TMEM132C: variants seen among roughly 807,000 people sequenced by gnomAD.
TMEM132C encodes the protein protein phosphatase 1, regulatory subunit 152.
In TMEM132C, 29 loss-of-function variants were observed where a neutral mutation model predicts 61.4. That is an observed-to-expected ratio of 0.47 (90% CI 0.35 to 0.64). The LOEUF is 0.64. Among genes scored for constraint, TMEM132C ranks in the 30% least tolerant of loss-of-function variants. The pLI, the probability that TMEM132C is intolerant of heterozygous loss-of-function variation, is 0.00. For missense variants in TMEM132C, 1,408 were observed against 1,476.9 expected, an observed-to-expected ratio of 0.95 and a Z score of 0.76; for synonymous variants, 656 against 633.1, an observed-to-expected ratio of 1.04 and a Z score of -0.54.
chr12:128,441,150 G>A (rs999865836), intron 2 of TMEM132C, among the ~76,000 whole-genome samples: 4 of 152,222 alleles, frequency 2.6e-5, no homozygotes, highest in Admixed American at 1.3e-4. Context: ...AGAAAGTCAG[G>A]CATTCAGCTC....
At chr12:128,616,061 T>G in intron 3 of TMEM132C, 91 bp from the exon 4 acceptor site, 1 of 1,427,708 alleles carries the variant, frequency 7.0e-7, no homozygotes, top group Non-Finnish European at 9.3e-7. Flanking sequence ...GAGATGTGTT[T>G]CTTTGTCTTT....
In TMEM132C at chr12:128,655,264, G is replaced by A. The variant is rs114735918; in HGVS notation, c.1306-14153G>A. Reference sequence around the variant, plus strand: ...GAGGAGTTGTTATACCGCACTGTGCGGCACAGCCGGGGTCTGCACTTGGCC... The same window carrying A: ...GAGGAGTTGTTATACCGCACTGTGCAGCACAGCCGGGGTCTGCACTTGGCC... On this transcript the variant is annotated intron_variant, in intron 4 of 8. Coordinates refer to ENST00000435159, the MANE Select transcript of TMEM132C (RefSeq NM_001136103.3). 7.1e-3 allele frequency among the ~76,000 whole-genome samples: 1,086 copies of A among 152,242 alleles called. 15 individuals carry two copies. Among genetic ancestry groups the A allele is most frequent in the African/African-American group, 0.025 (1,037 of 41,544 alleles).
At chr12:128,703,609 A>G (rs1954817633) in intron 8 of TMEM132C, among the ~76,000 whole-genome samples, 1 of 152,232 alleles carries the variant, frequency 6.6e-6, no homozygotes, top group South Asian at 2.1e-4. Context: ...TTCTAAGCAC[A>G]AAGTGGAGAG....
At chr12:128,491,191 TATC>T (rs1282338806) in intron 2 of TMEM132C, among the ~76,000 whole-genome samples, 15 of 152,164 alleles carry the variant, frequency 9.9e-5, no homozygotes, top group Admixed American at 9.8e-4. Flanking sequence ...GGACATTTGT[TATC>T]ATTGATAAGG....
At chr12:128,345,508 TAGATA>T (rs1873131124) in intron 1 of TMEM132C, among the ~76,000 whole-genome samples, 2 of 152,226 alleles carry the variant, frequency 1.3e-5, no homozygotes, top group Non-Finnish European at 1.5e-5. Flanking sequence ...ATTGAACTAT[TAGATA>T]ATTTACACTC....
In TMEM132C at chr12:128,410,564, C is replaced by T. The variant is rs566456831; in HGVS notation, c.86-4168C>T. Among the ~76,000 whole-genome samples the T allele has an allele frequency of 1.4e-4, 21 of 152,076 alleles. No individual in the cohort carries two copies. In the South Asian group the frequency reaches 2.3e-3, roughly 17 times the overall value. ...ACTACAGGTGCACCCCACCACACCC[C>T]GCTGATTTTTTTTGTATTTTTAGTA... On this transcript the variant is annotated intron_variant, in intron 1 of 8. Coordinates refer to ENST00000435159, the MANE Select transcript of TMEM132C (RefSeq NM_001136103.3).
At chr12:128,668,748 C>T (rs1470052817) in intron 4 of TMEM132C, among the ~76,000 whole-genome samples, 3 of 152,142 alleles carry the variant, frequency 2.0e-5, no homozygotes. Flanking sequence ...CAGGGAAAAT[C>T]TGTTCCTTGC....
chr12:128,514,326 G>A (rs886591865), intron 2 of TMEM132C, among the ~76,000 whole-genome samples: 4 of 152,164 alleles, frequency 2.6e-5, no homozygotes, highest in Non-Finnish European at 4.4e-5. Context: ...GCACCTTCCC[G>A]ATACGGTCTC....
chr12:128,369,408 T>C (rs751507624), intron 1 of TMEM132C, among the ~76,000 whole-genome samples: 1 of 152,220 alleles, frequency 6.6e-6, no homozygotes, highest in Admixed American at 6.5e-5. Flanking sequence ...TATGAAAACA[T>C]TGATGCCAAA....
At chr12:128,620,281 C>G (rs1953951495) in intron 4 of TMEM132C, among the ~76,000 whole-genome samples, 1 of 147,526 alleles carries the variant, frequency 6.8e-6, no homozygotes, top group African/African-American at 2.5e-5. Flanking sequence ...AGAATTCATT[C>G]AACCTCACAC....
chr12:128,354,015 A>T (rs1873419948), intron 1 of TMEM132C, among the ~76,000 whole-genome samples: 1 of 152,148 alleles, frequency 6.6e-6, no homozygotes, highest in Non-Finnish European at 1.5e-5. Context: ...TTTCTGTATA[A>T]ATGTAAAGGG....
intron 5 of TMEM132C, 92 bp from the exon 6 acceptor site, chr12:128,693,737 G>C: frequency 3.6e-6 from 5 of 1,392,390 alleles, no homozygotes; most frequent in Non-Finnish European, 4.9e-6. Flanking sequence ...ATAAGCATTT[G>C]TGCTTTGCAA....
At chr12:128,573,212 T>A (rs1208431094) in intron 3 of TMEM132C, among the ~76,000 whole-genome samples, 1 of 152,166 alleles carries the variant, frequency 6.6e-6, no homozygotes, top group African/African-American at 2.4e-5. Flanking sequence ...CAAATGTCTA[T>A]CAATGATAGA....
At chr12:128,673,468 A>T (rs1458364990) in intron 5 of TMEM132C, among the ~76,000 whole-genome samples, 1 of 152,218 alleles carries the variant, frequency 6.6e-6, no homozygotes, top group Non-Finnish European at 1.5e-5. Flanking sequence ...AAGCAGGCCA[A>T]CCTGACTTAA....
At chr12:128,518,104 A>G (rs1872778950) in intron 2 of TMEM132C, among the ~76,000 whole-genome samples, 1 of 152,218 alleles carries the variant, frequency 6.6e-6, no homozygotes, top group African/African-American at 2.4e-5. Context: ...TCGACATCTT[A>G]TGTGGCACAA....
At chr12:128,564,865 C>T (rs1324507381) in intron 3 of TMEM132C, among the ~76,000 whole-genome samples, 2 of 152,162 alleles carry the variant, frequency 1.3e-5, no homozygotes, top group Non-Finnish European at 2.9e-5. Flanking sequence ...ACATGGTCTC[C>T]AGGGATCCCC....
Position 128,415,717 on chromosome 12 carries a change from C to CAG in TMEM132C, c.974+98_974+99insGA. On this transcript the variant is annotated intron_variant, in intron 2 of 8. Coordinates refer to ENST00000435159, the MANE Select transcript of TMEM132C (RefSeq NM_001136103.3). This position sits in a 1 kb window ranked among gnomAD's most constrained non-coding sequence, Gnocchi z 5.8. ...TAGATATTCAGGAAGCATCGATTTT[C>CAG]ACTACCTTCAGGGACCGTTTGGCAT... 1 of 1,366,960 alleles carries CAG rather than the reference C, an allele frequency of 7.3e-7. No individual in the cohort carries two copies. The allele number at this position is 1,366,960 out of a possible 1,614,324, so 84.7% of individuals were successfully genotyped here. A position where few individuals can be genotyped will look rare whatever the true frequency, so the allele number is the denominator to read the frequency against.
chr12:128,553,165 A>G (rs904725575), intron 3 of TMEM132C, among the ~76,000 whole-genome samples: 5 of 152,184 alleles, frequency 3.3e-5, no homozygotes, highest in African/African-American at 1.2e-4. Context: ...AAGAAATTGC[A>G]AAACAATCTC....
chr12:128,379,380 C>T (rs907054687), intron 1 of TMEM132C, among the ~76,000 whole-genome samples: 3 of 152,248 alleles, frequency 2.0e-5, no homozygotes, highest in African/African-American at 7.2e-5. Context: ...CCTGGTTTGT[C>T]TCAGCTAGGC....
Sources: gnomAD v4.1 joint callset for allele counts (sites outside exome capture counted in the v4.1 genomes callset) on GRCh38, gnomAD v4.1.1 for gene constraint, Gnocchi (gnomAD v3.1) non-coding constraint, MANE v1.5 for transcripts, NCBI Gene and HGNC (gene_info 2026-07-23, HGNC 2026-07-21) for gene names.